Variants in FAM171A1 observed in about 807,000 individuals in gnomAD.
The protein encoded by FAM171A1 is protein FAM171A1.
FAM171A1 carries 23 observed loss-of-function variants against 74.9 expected under a neutral mutation model. The ratio of observed to expected loss-of-function variants is 0.31; its 90% confidence interval spans 0.22 to 0.44. The LOEUF is 0.44. Among genes scored for constraint, FAM171A1 ranks in the 20% least tolerant of loss-of-function variants. The probability of loss-of-function intolerance (pLI) is 1.00; values close to 1 mark genes in which losing one functional copy is unlikely to be tolerated. For synonymous variants in FAM171A1, 527 were observed against 505.7 expected (o/e 1.04, Z -0.57); for missense variants, 1,162 against 1,159.2 (o/e 1.00, Z -0.03).
chr10:15,242,028 A>C (rs1420932529), intron 5 of FAM171A1, among the ~76,000 whole-genome samples: 1 of 152,340 alleles, frequency 6.6e-6, no homozygotes, highest in Non-Finnish European at 1.5e-5. Flanking sequence ...TCTGGCTGTT[A>C]AACAATTTGG....
intron 1 of FAM171A1, among the ~76,000 whole-genome samples, chr10:15,290,706 G>C (rs1246759129): frequency 6.6e-6 from 1 of 152,192 alleles, no homozygotes; most frequent in Non-Finnish European, 1.5e-5. Context: ...TGGGTGGTCA[G>C]GGGAGGCCTT....
chr10:15,272,546 T>C (rs1261177652), intron 3 of FAM171A1, among the ~76,000 whole-genome samples: 2 of 152,268 alleles, frequency 1.3e-5, no homozygotes, highest in East Asian at 1.9e-4. Flanking sequence ...GCAGACCTAA[T>C]AGACATCTAG....
intron 5 of FAM171A1, among the ~76,000 whole-genome samples, chr10:15,225,129 C>T (rs889796825): frequency 2.6e-5 from 4 of 152,240 alleles, no homozygotes; most frequent in East Asian, 1.9e-4. Flanking sequence ...TCAGTCTTAT[C>T]TCCTTTCTTA....
At chr10:15,220,300 G>A (rs982203460) in intron 6 of FAM171A1, among the ~76,000 whole-genome samples, 1 of 152,016 alleles carries the variant, frequency 6.6e-6, no homozygotes, top group African/African-American at 2.4e-5. Context: ...GGCAGCTTGA[G>A]CAACAGAAGC....
chr10:15,226,253 A>T (rs1280550603), intron 5 of FAM171A1, among the ~76,000 whole-genome samples: 1 of 152,100 alleles, frequency 6.6e-6, no homozygotes, highest in Non-Finnish European at 1.5e-5. Context: ...GGACAATGAC[A>T]TGTGCCTCTC....
chr10:15,292,539 G>A (rs1391781253), intron 1 of FAM171A1, among the ~76,000 whole-genome samples: 10 of 152,120 alleles, frequency 6.6e-5, no homozygotes, highest in African/African-American at 2.4e-4. Flanking sequence ...AGAGTGCAGT[G>A]GCACGATCTT....
chr10:15,214,287 C>T lies in FAM171A1; in HGVS notation c.1301G>A (p.Cys434Tyr), dbSNP rs1166569856. The T allele has an allele frequency of 2.5e-6, 4 of 1,613,710 alleles. No individual in the cohort carries two copies. In the South Asian group the frequency reaches 4.4e-5, roughly 18 times the overall value. ...GATCTGGCTTTTATCCTCTTCCTTG[C>T]AAGAGAGGAGCTCCTCCCGGGAGCT... ...EFSSREELLS[C>Y]KEEDKSQISF... The change falls in exon 8 of 8, where the codon TGC (cysteine) becomes TAC (tyrosine). Residue 434 changes from cysteine to tyrosine, a missense_variant. Cys to Tyr is a radical substitution (Grantham distance 194, BLOSUM62 -2). Coordinates refer to ENST00000378116, the MANE Select transcript of FAM171A1 (RefSeq NM_001010924.2).
intron 3 of FAM171A1, among the ~76,000 whole-genome samples, chr10:15,272,230 A>C (rs1330713672): frequency 6.6e-6 from 1 of 152,204 alleles, no homozygotes; most frequent in Admixed American, 6.5e-5. Context: ...CAAAAAAAGC[A>C]GGGGTTGCAA....
intron 2 of FAM171A1, among the ~76,000 whole-genome samples, chr10:15,281,892 G>A (rs557134452): frequency 4.7e-4 from 71 of 152,158 alleles, no homozygotes; most frequent in African/African-American, 1.4e-3. Flanking sequence ...AGATATGATG[G>A]GAATGGTTTT....
At chr10:15,252,176 G>C (rs1226354943) in intron 4 of FAM171A1, among the ~76,000 whole-genome samples, 1 of 152,164 alleles carries the variant, frequency 6.6e-6, no homozygotes, top group Non-Finnish European at 1.5e-5. Context: ...CTCAGCAGCT[G>C]GGGGAAGAGT....
At chr10:15,266,257 G>C (rs1318270535) in intron 3 of FAM171A1, among the ~76,000 whole-genome samples, 4 of 152,144 alleles carry the variant, frequency 2.6e-5, no homozygotes, top group Non-Finnish European at 2.9e-5. Context: ...AAAAGAAAGG[G>C]GACGAGAGCT....
At chr10:15,290,887 C>T (rs1363106017) in intron 1 of FAM171A1, among the ~76,000 whole-genome samples, 1 of 152,106 alleles carries the variant, frequency 6.6e-6, no homozygotes, top group African/African-American at 2.4e-5. Flanking sequence ...CTGGGCCACC[C>T]ATGTACCGCC....
At chr10:15,242,626 T>G (rs545308774) in intron 5 of FAM171A1, among the ~76,000 whole-genome samples, 3 of 152,030 alleles carry the variant, frequency 2.0e-5, no homozygotes, top group Admixed American at 2.0e-4. Flanking sequence ...CTACGGAAAA[T>G]AAACAATAAA....
At chr10:15,289,588 C>T (rs978496296) in intron 1 of FAM171A1, among the ~76,000 whole-genome samples, 1 of 152,124 alleles carries the variant, frequency 6.6e-6, no homozygotes, top group Admixed American at 6.5e-5. Context: ...AAACAGTCAC[C>T]CTCTTCAGAC....
At chr10:15,351,682 C>CGGATGGATGGGTGGATGGAT (rs1835882105) in intron 1 of FAM171A1, among the ~76,000 whole-genome samples, 1 of 149,818 alleles carries the variant, frequency 6.7e-6, no homozygotes, top group African/African-American at 2.5e-5. Context: ...GATGCATGGA[C>CGGATGGATGGGTGGATGGAT]GGATGGATGG....
At chr10:15,233,156 G>C (rs1016038565) in intron 5 of FAM171A1, among the ~76,000 whole-genome samples, 5 of 152,082 alleles carry the variant, frequency 3.3e-5, no homozygotes, top group Non-Finnish European at 7.4e-5. Context: ...TTAGCTTGGC[G>C]TGGTGGCCGG....
intron 1 of FAM171A1, among the ~76,000 whole-genome samples, chr10:15,301,173 A>C (rs1220378604): frequency 6.6e-6 from 1 of 151,912 alleles, no homozygotes; most frequent in Non-Finnish European, 1.5e-5. Flanking sequence ...CTATCTCTTT[A>C]AGGATGTTTC....
At chr10:15,364,538 G>T (rs993730123) in intron 1 of FAM171A1, among the ~76,000 whole-genome samples, 3 of 152,130 alleles carry the variant, frequency 2.0e-5, no homozygotes, top group African/African-American at 7.2e-5. Context: ...TCTATTCACA[G>T]TTCTTAGGGG....
At chr10:15,328,452 T>G (rs1470904292) in intron 1 of FAM171A1, among the ~76,000 whole-genome samples, 1 of 152,216 alleles carries the variant, frequency 6.6e-6, no homozygotes, top group Non-Finnish European at 1.5e-5. Flanking sequence ...TGGCCTGTTG[T>G]TGTTTTAAAT....
Sources: allele counts gnomAD v4.1 joint callset (sites outside exome capture counted in the v4.1 genomes callset), GRCh38; gene constraint gnomAD v4.1.1; transcripts MANE v1.5; gene names NCBI Gene and HGNC (gene_info 2026-07-23, HGNC 2026-07-21).